The following CHD9 variants were observed in gnomAD, a reference collection of about 807,000 sequenced individuals.
The protein encoded by CHD9 is chromodomain helicase DNA binding protein 9.
Under a neutral mutation model 316.1 loss-of-function variants are expected in CHD9, and 77 were observed. The ratio of observed to expected loss-of-function variants is 0.24; its 90% confidence interval spans 0.20 to 0.29. The LOEUF (loss-of-function observed/expected upper bound fraction) is 0.29. CHD9 is among the 10% of genes least tolerant of loss of function. CHD9 has a pLI of 1.00. For synonymous variants in CHD9, 1,129 were observed against 1,158.3 expected, an observed-to-expected ratio of 0.97 and a Z score of 0.51; for missense variants, 2,763 against 3,438.1, an observed-to-expected ratio of 0.80 and a Z score of 4.91.
intron 2 of CHD9, among the ~76,000 whole-genome samples, chr16:53,167,150 T>A (rs866832942): frequency 3.5e-4 from 53 of 152,346 alleles, no homozygotes; most frequent in African/African-American, 1.2e-3. Context: ...TGGTTGTCTT[T>A]GATTATTGAG....
chr16:53,296,043 G>T (rs2054753791), intron 29 of CHD9, among the ~76,000 whole-genome samples: 1 of 151,974 alleles, frequency 6.6e-6, no homozygotes, highest in South Asian at 2.1e-4. Flanking sequence ...CTCCAATATG[G>T]ACCACTCCCT....
intron 1 of CHD9, among the ~76,000 whole-genome samples, chr16:53,089,336 C>T (rs1403555300): frequency 6.6e-6 from 1 of 152,120 alleles, no homozygotes; most frequent in Non-Finnish European, 1.5e-5. Flanking sequence ...ATACTAATGG[C>T]AAAACTGAAG....
chr16:53,141,288 C>T (rs2040087069), intron 1 of CHD9, among the ~76,000 whole-genome samples: 1 of 152,078 alleles, frequency 6.6e-6, no homozygotes, highest in Admixed American at 6.6e-5. Context: ...AGTGATATAA[C>T]CAGGATTCCA....
intron 2 of CHD9, among the ~76,000 whole-genome samples, chr16:53,191,050 A>C (rs1020427939): frequency 1.3e-5 from 2 of 152,124 alleles, no homozygotes; most frequent in Non-Finnish European, 2.9e-5. Flanking sequence ...ATTAAGATAT[A>C]AAATGTTTTT....
intron 2 of CHD9, among the ~76,000 whole-genome samples, chr16:53,203,851 G>T (rs761743824): frequency 4.6e-5 from 7 of 150,942 alleles, no homozygotes; most frequent in Non-Finnish European, 1.0e-4. Context: ...GTGAAACCCC[G>T]TCTCTACTAA....
intron 30 of CHD9, chr16:53,298,994 T>G (rs2055086524): frequency 6.2e-6 from 1 of 161,316 alleles, no homozygotes; most frequent in Non-Finnish European, 1.4e-5. Flanking sequence ...CTTGATTATG[T>G]GATTACAACC....
chr16:53,310,646 G>A (rs1341022030), intron 34 of CHD9, among the ~76,000 whole-genome samples: 1 of 150,448 alleles, frequency 6.6e-6, no homozygotes, highest in African/African-American at 2.4e-5. Context: ...TCAGGAGTTC[G>A]AGACCAGCCT....
intron 7 of CHD9, among the ~76,000 whole-genome samples, chr16:53,228,185 C>G (rs1223199782): frequency 6.6e-6 from 1 of 151,794 alleles, no homozygotes; most frequent in Non-Finnish European, 1.5e-5. Context: ...AATTTATAGA[C>G]AGCATTCATT....
chr16:53,118,430 T>G (rs1165831086), intron 1 of CHD9, among the ~76,000 whole-genome samples: 1 of 152,270 alleles, frequency 6.6e-6, no homozygotes, highest in Middle Eastern at 3.4e-3. Context: ...AAGATGTCCC[T>G]TCTTTGTTTC....
chr16:53,144,349 T>C (rs1022747018), intron 1 of CHD9, among the ~76,000 whole-genome samples: 4 of 152,194 alleles, frequency 2.6e-5, no homozygotes, highest in African/African-American at 9.7e-5. Flanking sequence ...GAGTTGAATA[T>C]GTTATCACAT....
At chr16:53,228,959 A>G (rs1170457292) in intron 7 of CHD9, 24 bp from the exon 8 acceptor site, 7 of 1,057,232 alleles carry the variant, frequency 6.6e-6, no homozygotes, top group Admixed American at 5.1e-5. Context: ...TCATTCTAAT[A>G]TATTATTTTT....
At chr16:53,100,838 A>C (rs531091506) in intron 1 of CHD9, among the ~76,000 whole-genome samples, 3 of 152,184 alleles carry the variant, frequency 2.0e-5, no homozygotes, top group Non-Finnish European at 4.4e-5. Flanking sequence ...CTCTGTCTCC[A>C]ATCTGTAATA....
chr16:53,058,015 G>C (rs932649039), intron 1 of CHD9, among the ~76,000 whole-genome samples: 5 of 152,172 alleles, frequency 3.3e-5, no homozygotes, highest in Non-Finnish European at 7.3e-5. Flanking sequence ...TTGTCTGTTA[G>C]GTAAGCTTCG....
At chr16:53,109,673 G>GTTTTTT (rs1472499524) in intron 1 of CHD9, among the ~76,000 whole-genome samples, 4 of 82,972 alleles carry the variant, frequency 4.8e-5, no homozygotes, top group Admixed American at 1.2e-4. Flanking sequence ...TGGATTCCCA[G>GTTTTTT]TTTCTTTTTT....
chr16:53,210,447 T>G (rs2046241427), intron 3 of CHD9, among the ~76,000 whole-genome samples: 1 of 152,110 alleles, frequency 6.6e-6, no homozygotes, highest in African/African-American at 2.4e-5. Flanking sequence ...AGAATTGCTC[T>G]AGGAGGATAT....
chr16:53,254,407 T>G, intron 17 of CHD9, 31 bp from the exon 18 acceptor site: 1 of 1,488,474 alleles, frequency 6.7e-7, no homozygotes, highest in South Asian at 1.5e-5. Context: ...TTTGAGAAAC[T>G]AATTAAATAT....
chr16:53,096,675 C>T (rs2036406307), intron 1 of CHD9, among the ~76,000 whole-genome samples: 1 of 152,164 alleles, frequency 6.6e-6, no homozygotes, highest in African/African-American at 2.4e-5. Context: ...AATAACTTCA[C>T]TGTGTTATTC....
At chr16:53,184,935 C>G (rs1390505364) in intron 2 of CHD9, among the ~76,000 whole-genome samples, 1 of 152,166 alleles carries the variant, frequency 6.6e-6, no homozygotes, top group East Asian at 1.9e-4. Flanking sequence ...GACATAATTG[C>G]TTTCCCCTTC....
chr16:53,127,419 A>G (rs541779023), intron 1 of CHD9, among the ~76,000 whole-genome samples: 12 of 152,366 alleles, frequency 7.9e-5, no homozygotes, highest in African/African-American at 2.9e-4. Context: ...GGAATTTTCC[A>G]TTCCAAGATG....
Sources: allele counts gnomAD v4.1 joint callset (sites outside exome capture counted in the v4.1 genomes callset), GRCh38; gene constraint gnomAD v4.1.1; transcripts MANE v1.5; gene names NCBI Gene and HGNC (gene_info 2026-07-23, HGNC 2026-07-21).